CSK: variants seen among roughly 807,000 people sequenced by gnomAD.
CSK encodes the protein C-terminal Src kinase.
Under a neutral mutation model 62.3 loss-of-function variants are expected in CSK, and 7 were observed. That is an observed-to-expected ratio of 0.11 (90% confidence interval 0.06 to 0.21). The LOEUF is 0.21. CSK is among the 10% of genes least tolerant of loss of function. The pLI, the probability that CSK is intolerant of heterozygous loss-of-function variation, is 1.00. For missense variants in CSK, 294 were observed against 613.5 expected (o/e 0.48, Z 5.50); for synonymous variants, 237 against 246.0 (o/e 0.96, Z 0.34).
chr15:74,783,152 C>T (rs1248045271), intron 1 of CSK, among the ~76,000 whole-genome samples: 1 of 151,858 alleles, frequency 6.6e-6, no homozygotes, highest in Admixed American at 6.5e-5. Flanking sequence ...CATGACCCTG[C>T]GGGCTGCAAG....
At chr15:74,789,957 G>A (rs2063592625) in intron 1 of CSK, among the ~76,000 whole-genome samples, 1 of 152,176 alleles carries the variant, frequency 6.6e-6, no homozygotes. Context: ...TGGTGACCTT[G>A]GGTCCCCAAA....
chr15:74,791,565 C>T (rs1395197815), intron 1 of CSK, among the ~76,000 whole-genome samples: 2 of 152,190 alleles, frequency 1.3e-5, no homozygotes, highest in Admixed American at 1.3e-4. Context: ...CATTTCCCCT[C>T]TCCCCAAGTG....
chr15:74,786,017 G>T (rs867744716), intron 1 of CSK, among the ~76,000 whole-genome samples: 3,483 of 31,366 alleles, frequency 0.11, 87 homozygotes, highest in African/African-American at 0.18. Context: ...TTTTTTTTGT[G>T]TGTGTGTGTG....
chr15:74,790,955 CA>C (rs1413248134), intron 1 of CSK: 1 of 152,194 alleles, frequency 6.6e-6, no homozygotes. Flanking sequence ...AGGTGATTTA[CA>C]AAAAGTTTCT....
At chr15:74,801,626 G>A (rs776071481) in intron 10 of CSK, 31 bp downstream of exon 10, 1 of 1,612,454 alleles carries the variant, frequency 6.2e-7, no homozygotes, top group Non-Finnish European at 8.5e-7. Flanking sequence ...GATGGGTAGG[G>A]TTTGAGGGGT....
At chr15:74,801,371 C>A in intron 9 of CSK, 151 bp from the exon 10 acceptor site, 1 of 727,944 alleles carries the variant, frequency 1.4e-6, no homozygotes, top group Non-Finnish European at 2.3e-6. Context: ...TAACACAGAG[C>A]AGTGTCCGGC....
chr15:74,799,717 T>C (rs1347575361), intron 5 of CSK, among the ~76,000 whole-genome samples: 1 of 152,190 alleles, frequency 6.6e-6, no homozygotes, highest in African/African-American at 2.4e-5. Flanking sequence ...TATCCTCATT[T>C]TATAGACCAG....
chr15:74,800,946 G>T lies in CSK; in HGVS notation c.722+24G>T, dbSNP rs755756524. 3 of 1,612,878 alleles carry T rather than the reference G, an allele frequency of 1.9e-6. No individual in the cohort carries two copies. In the Admixed American group the frequency reaches 5.0e-5, roughly 27 times the overall value. Reference sequence around the variant, plus strand: ...ACGTGAGTGGGGGCGGGGTAGGGGGGAGGTTGGCCTAGGTTAGGAGTGAGG... The same window carrying T: ...ACGTGAGTGGGGGCGGGGTAGGGGGTAGGTTGGCCTAGGTTAGGAGTGAGG... On this transcript the variant is annotated intron_variant, in intron 8 of 12. Transcript: ENST00000220003.
chr15:74,783,300 C>CG (rs1350052012), intron 1 of CSK, among the ~76,000 whole-genome samples: 2 of 152,198 alleles, frequency 1.3e-5, no homozygotes, highest in South Asian at 2.1e-4. Flanking sequence ...GCCTTCTGCC[C>CG]GGGGGGAGGT....
Position 74,798,563 on chromosome 15 carries a change from G to T in CSK, c.16-52G>T. On this transcript the variant is annotated intron_variant, in intron 2 of 12. Coordinates refer to ENST00000220003, the MANE Select transcript of CSK (RefSeq NM_004383.3). This position sits in a 1 kb window ranked among gnomAD's most constrained non-coding sequence, Gnocchi z 6.6. ...TGTGACCACGAGGGTGCGCCAGCAG[G>T]TGGCTGGAGGGGGCCCAGGCTGCAC... is the stretch of plus-strand genomic sequence containing the variant. 1 of 1,523,174 alleles carries T rather than the reference G, an allele frequency of 6.6e-7. No individual in the cohort carries two copies. Among genetic ancestry groups the T allele is most frequent in the Non-Finnish European group, 9.1e-7 (1 of 1,102,332 alleles). The allele number at this position is 1,523,174 out of a possible 1,614,324, so 94.4% of individuals were successfully genotyped here. A position where few individuals can be genotyped will look rare whatever the true frequency, so the allele number is the denominator to read the frequency against.
intron 6 of CSK, 80 bp from the exon 7 acceptor site, chr15:74,800,601 T>C: frequency 6.5e-7 from 1 of 1,544,278 alleles, no homozygotes; most frequent in Non-Finnish European, 8.8e-7. Context: ...AGAACCCCAG[T>C]GCCTGATAGT....
In CSK at chr15:74,782,379, G is replaced by C. The variant is rs2063448022; in HGVS notation, c.-407G>C. On this transcript the variant is annotated 5_prime_UTR_variant, in exon 1 of 13. Transcript: ENST00000220003. This position sits in a 1 kb window ranked among gnomAD's most constrained non-coding sequence, Gnocchi z 5.7. ...CCCGCGGCCCCGATCGAGCGTCCGG[G>C]GCGGCCCCCGGCAGCCAGCGCGACG... 1 of 150,684 alleles carries C rather than the reference G, an allele frequency of 6.6e-6. No individual in the cohort carries two copies. Among genetic ancestry groups the C allele is most frequent in the African/African-American group, 2.4e-5 (1 of 41,174 alleles). 9.3% of individuals were successfully genotyped at this position (150,684 alleles called of 1,614,324 possible). A position where few individuals can be genotyped will look rare whatever the true frequency, so the allele number is the denominator to read the frequency against.
chr15:74,789,275 C>T (rs1287882618), intron 1 of CSK, among the ~76,000 whole-genome samples: 5 of 152,204 alleles, frequency 3.3e-5, no homozygotes, highest in African/African-American at 1.2e-4. Flanking sequence ...CCTTCGTAAC[C>T]GCCCCGGGAG....
At position 74,801,764 on chromosome 15, in the gene CSK, T is replaced by C; in HGVS notation, c.957T>C (p.Asn319=). Residue 319 remains asparagine (N), a synonymous_variant, in exon 11 of 13, where the codon AAT becomes AAC. Transcript: ENST00000220003. ...NFVHRDLAAR[N]VLVSEDNVAK... Reference sequence around the variant, plus strand: ...TGCATCGAGACCTGGCTGCCCGCAATGTGCTGGTGTCTGAGGACAACGTGG... The same window carrying C: ...TGCATCGAGACCTGGCTGCCCGCAACGTGCTGGTGTCTGAGGACAACGTGG... 3 of 1,614,054 alleles carry C rather than the reference T, an allele frequency of 1.9e-6. No individual in the cohort carries two copies. The highest frequency in any genetic ancestry group is 1.6e-4 in the Middle Eastern group (1 of 6,062).
At chr15:74,783,459 A>G (rs2063468516) in intron 1 of CSK, among the ~76,000 whole-genome samples, 1 of 152,144 alleles carries the variant, frequency 6.6e-6, no homozygotes, top group South Asian at 2.1e-4. Flanking sequence ...TTCCCCGCCC[A>G]TTTTGTACAC....
intron 1 of CSK, among the ~76,000 whole-genome samples, chr15:74,785,111 ATTTC>A (rs1481180662): frequency 3.9e-5 from 6 of 152,278 alleles, no homozygotes; most frequent in African/African-American, 1.4e-4. Context: ...ATCACCCACT[ATTTC>A]TTCAGCAGGC....
rs750462626 is a variant in CSK, at chr15:74,798,547, G to A, written c.16-68G>A. ...AGGCCAGCTCAGAGGCTGTGACCAC[G>A]AGGGTGCGCCAGCAGGTGGCTGGAG... On this transcript the variant is annotated intron_variant, in intron 2 of 12. Coordinates refer to ENST00000220003, the MANE Select transcript of CSK (RefSeq NM_004383.3). The surrounding 1 kb of genome is among the most constrained non-coding windows in gnomAD (Gnocchi z 6.6). The A allele has an allele frequency of 5.9e-4, 854 of 1,448,876 alleles. No individual in the cohort carries two copies. The highest frequency in any genetic ancestry group is 7.3e-4 in the Non-Finnish European group (754 of 1,039,734). The allele number at this position is 1,448,876 out of a possible 1,614,324, so 89.8% of individuals were successfully genotyped here.
At chr15:74,793,863 T>C (rs2063662575) in intron 1 of CSK, among the ~76,000 whole-genome samples, 1 of 151,660 alleles carries the variant, frequency 6.6e-6, no homozygotes, top group African/African-American at 2.4e-5. Context: ...GGCAGGGAGT[T>C]TGGGGAGGAA....
intron 1 of CSK, among the ~76,000 whole-genome samples, chr15:74,795,125 G>A (rs2063685005): frequency 1.3e-5 from 2 of 152,058 alleles, no homozygotes; most frequent in South Asian, 4.1e-4. Context: ...CCTTTGCTCA[G>A]ACTGCTGCAT....
Sources: allele counts gnomAD v4.1 joint callset (sites outside exome capture counted in the v4.1 genomes callset), GRCh38; gene constraint gnomAD v4.1.1; non-coding constraint Gnocchi (gnomAD v3.1); transcripts MANE v1.5; gene names NCBI Gene and HGNC (gene_info 2026-07-23, HGNC 2026-07-21).